The following TMEM209 variants were observed in gnomAD, a reference collection of about 807,000 sequenced individuals.
TMEM209 encodes testicular tissue protein Li 202.
A neutral mutation model predicts 76.2 loss-of-function variants in TMEM209; 65 were observed. That is an observed-to-expected ratio of 0.85 (90% confidence interval 0.70 to 1.05). TMEM209 has a LOEUF of 1.05. Among genes scored for constraint, TMEM209 ranks in the 50% least tolerant of loss-of-function variants. The pLI is 0.00. For missense variants in TMEM209, 623 were observed against 685.5 expected, an observed-to-expected ratio of 0.91 and a Z score of 1.02; for synonymous variants, 239 against 237.6, an observed-to-expected ratio of 1.01 and a Z score of -0.06.
intron 6 of TMEM209, among the ~76,000 whole-genome samples, chr7:130,189,716 G>A (rs1338435961): frequency 1.3e-5 from 2 of 152,160 alleles, no homozygotes; most frequent in African/African-American, 4.8e-5. Flanking sequence ...ACTGGAACTA[G>A]AAGTAACATT....
chr7:130,172,346 T>G (rs1465719647), intron 13 of TMEM209, among the ~76,000 whole-genome samples: 1 of 152,006 alleles, frequency 6.6e-6, no homozygotes, highest in Admixed American at 6.6e-5. Context: ...TTTATTTTAT[T>G]TTATTTATTT....
intron 1 of TMEM209, 200 bp downstream of exon 1, chr7:130,205,173 C>A: frequency 1.3e-6 from 2 of 1,484,888 alleles, no homozygotes; most frequent in Non-Finnish European, 8.9e-7. Flanking sequence ...GTCCCAATTT[C>A]CCAGTCCAGA....
At chr7:130,181,157 A>G (rs1797399280) in intron 9 of TMEM209, among the ~76,000 whole-genome samples, 1 of 152,266 alleles carries the variant, frequency 6.6e-6, no homozygotes, top group African/African-American at 2.4e-5. Flanking sequence ...TAAATTCTAC[A>G]ACATGGACAA....
intron 14 of TMEM209, among the ~76,000 whole-genome samples, chr7:130,168,353 G>A (rs1332718973): frequency 6.6e-6 from 1 of 152,102 alleles, no homozygotes; most frequent in Non-Finnish European, 1.5e-5. Context: ...GCATTTGGGG[G>A]ATTTTTAGAT....
chr7:130,200,839 T>C (rs1798163629), intron 5 of TMEM209, among the ~76,000 whole-genome samples: 1 of 151,866 alleles, frequency 6.6e-6, no homozygotes, highest in Non-Finnish European at 1.5e-5. Context: ...AAGAAATGTG[T>C]AAATGTTTGG....
chr7:130,168,936 A>G (rs1796962289), intron 14 of TMEM209, among the ~76,000 whole-genome samples: 1 of 152,348 alleles, frequency 6.6e-6, no homozygotes, highest in East Asian at 1.9e-4. Flanking sequence ...ATTAAAAAAT[A>G]TATGATAAAA....
intron 14 of TMEM209, among the ~76,000 whole-genome samples, chr7:130,169,217 A>G (rs1796977439): frequency 6.7e-6 from 1 of 150,076 alleles, no homozygotes; most frequent in African/African-American, 2.5e-5. Context: ...AAAAAAAGCT[A>G]ATAAATGTTC....
chr7:130,178,515 G>A lies in TMEM209; in HGVS notation c.1133C>T (p.Thr378Ile). 6.2e-7 allele frequency: 1 copy of A among 1,613,620 alleles called. No individual in the cohort carries two copies. Among genetic ancestry groups the A allele is most frequent in the Non-Finnish European group, 8.5e-7 (1 of 1,179,724 alleles). The change falls in exon 10 of 15, where the codon ACT becomes ATT. Residue 378 changes from threonine (T) to isoleucine (I), a missense_variant. By Grantham distance (89) the Thr-to-Ile change is moderately conservative. Coordinates refer to ENST00000397622, the MANE Select transcript of TMEM209 (RefSeq NM_032842.4). ...AACCAGGGCAGCTTGTTTCAAGCTA[G>A]TAATACTAGCCTCTGTTAACATAAA... ...PELQIGEASITSLKQAALVKA... is the reference protein window; with the variant it reads ...PELQIGEASIISLKQAALVKA...
chr7:130,167,975 C>G lies in TMEM209; in HGVS notation c.1632-1470G>C, dbSNP rs565359497. Among the ~76,000 whole-genome samples the G allele has an allele frequency of 2.0e-5, 3 of 152,214 alleles. No homozygotes were observed. In the East Asian group the frequency reaches 5.8e-4, roughly 29 times the overall value. ...TTTTAGTCTAAAATGCTTAATTTCC[C>G]ATATATAAGTTGCTCATTAAGAGAA... On this transcript the variant is annotated intron_variant, in intron 14 of 14. Coordinates refer to ENST00000397622, the MANE Select transcript of TMEM209 (RefSeq NM_032842.4).
At position 130,205,005 on chromosome 7, in the gene TMEM209, G is replaced by A. The variant is rs536993889; in HGVS notation, c.3+368C>T. The A allele has an allele frequency of 6.5e-5, 77 of 1,183,162 alleles. No homozygotes were observed. The East Asian group carries it at 3.3e-3, about 51-fold the overall frequency. 73.3% of individuals were successfully genotyped at this position (1,183,162 alleles called of 1,614,324 possible). A position where few individuals can be genotyped will look rare whatever the true frequency, so the allele number is the denominator to read the frequency against. On this transcript the variant is annotated intron_variant, in intron 1 of 14. Transcript: ENST00000397622. ...GTGAGCGGAGTAAGAGGGAGAGAGG[G>A]GAAAACGTGCATTGTTTTGGTCCAC...
chr7:130,174,042 A>T (rs1051025596), intron 11 of TMEM209, 103 bp from the exon 12 acceptor site: 27 of 763,200 alleles, frequency 3.5e-5, no homozygotes, highest in African/African-American at 8.7e-5. Flanking sequence ...CAATTAAAAA[A>T]TTTTTTCTCT....
intron 5 of TMEM209, among the ~76,000 whole-genome samples, chr7:130,196,989 G>C (rs1798007396): frequency 6.6e-6 from 1 of 152,182 alleles, no homozygotes; most frequent in African/African-American, 2.4e-5. Flanking sequence ...CACTTTGGGA[G>C]GCTGAGGCAG....
At chr7:130,169,209 A>AT (rs980266986) in intron 14 of TMEM209, among the ~76,000 whole-genome samples, 2 of 151,902 alleles carry the variant, frequency 1.3e-5, no homozygotes, top group Non-Finnish European at 2.9e-5. Flanking sequence ...AAAAAAAAAA[A>AT]AAAAGCTAAT....
At chr7:130,175,737 G>T in intron 10 of TMEM209, 128 bp from the exon 11 acceptor site, 3 of 674,482 alleles carry the variant, frequency 4.4e-6, no homozygotes, top group Admixed American at 3.1e-5. Flanking sequence ...CAAACCTAAA[G>T]AAATAAAAGA....
chr7:130,179,865 C>A (rs1023243980), intron 9 of TMEM209, among the ~76,000 whole-genome samples: 9 of 152,100 alleles, frequency 5.9e-5, no homozygotes, highest in Non-Finnish European at 1.2e-4. Flanking sequence ...TTGGATGCGG[C>A]TGAGGTGAGA....
chr7:130,184,124 T>C (rs1050131126), intron 8 of TMEM209, 60 bp downstream of exon 8: 7 of 1,155,110 alleles, frequency 6.1e-6, no homozygotes, highest in African/African-American at 3.1e-5. Context: ...GATATTCTAA[T>C]AACATGCTTT....
chr7:130,165,228 G>T lies in TMEM209; in HGVS notation c.*1223C>A, dbSNP rs1172284105. ...AAAAGACTAGTTTCAGCTGTTTCCA[G>T]GTTTACATAAGATGATGGAAGCAGT... is the stretch of plus-strand genomic sequence containing the variant. On this transcript the variant is annotated 3_prime_UTR_variant, in exon 15 of 15. Coordinates refer to ENST00000397622, the MANE Select transcript of TMEM209 (RefSeq NM_032842.4). 6.6e-6 allele frequency: 1 copy of T among 152,094 alleles called. No homozygotes were observed. Among genetic ancestry groups the T allele is most frequent in the Admixed American group, 6.6e-5 (1 of 15,260 alleles). 9.4% of individuals were successfully genotyped at this position (152,094 alleles called of 1,614,324 possible).
rs1163087081 is a variant in TMEM209, at chr7:130,197,065, AAAAC to A, written c.574-4246_574-4243del. On this transcript the variant is annotated intron_variant, in intron 5 of 14. Coordinates refer to ENST00000397622, the MANE Select transcript of TMEM209 (RefSeq NM_032842.4). ...AACATAGCAAGACCCCATCTCTACC[AAAAC>A]AAACAAACACCACACAGTGTTTCCT... is the stretch of plus-strand genomic sequence containing the variant. Among the ~76,000 whole-genome samples the A allele has an allele frequency of 3.3e-5, 5 of 152,312 alleles. No homozygotes were observed. In the South Asian group the frequency reaches 6.2e-4, roughly 19 times the overall value.
chr7:130,167,634 T>C (rs1450591818), intron 14 of TMEM209, among the ~76,000 whole-genome samples: 2 of 152,178 alleles, frequency 1.3e-5, no homozygotes, highest in Non-Finnish European at 2.9e-5. Flanking sequence ...CTTTAAACTT[T>C]ACAGTGTCTT....
Sources: gnomAD v4.1 joint callset for allele counts (sites outside exome capture counted in the v4.1 genomes callset) on GRCh38, gnomAD v4.1.1 for gene constraint, MANE v1.5 for transcripts, NCBI Gene and HGNC (gene_info 2026-07-23, HGNC 2026-07-21) for gene names.